Variants in NDFIP2 observed in about 807,000 individuals in gnomAD.
NDFIP2 encodes the protein Nedd4 family interacting protein 2, also known as NEDD4 family-interacting protein 2.
Under a neutral mutation model 36.0 loss-of-function variants are expected in NDFIP2, and 19 were observed. The observed-to-expected ratio is 0.53, with a 90% CI of 0.37 to 0.77. The LOEUF (loss-of-function observed/expected upper bound fraction) is 0.77, where lower values mean the gene tolerates loss of function less well. NDFIP2 is among the 30% of genes least tolerant of loss of function. The probability of loss-of-function intolerance (pLI) is 0.00; values close to 1 mark genes in which losing one functional copy is unlikely to be tolerated. For synonymous variants in NDFIP2, 181 were observed against 167.7 expected (o/e 1.08, Z -0.61); for missense variants, 446 against 435.8 (o/e 1.02, Z -0.21).
intron 2 of NDFIP2, among the ~76,000 whole-genome samples, chr13:79,525,334 A>C (rs894252026): frequency 6.6e-6 from 1 of 152,268 alleles, no homozygotes; most frequent in Non-Finnish European, 1.5e-5. Flanking sequence ...GAGATGTGAC[A>C]GCAGAACTAG....
At chr13:79,513,048 A>G (rs1874138810) in intron 1 of NDFIP2, among the ~76,000 whole-genome samples, 1 of 152,212 alleles carries the variant, frequency 6.6e-6, no homozygotes, top group African/African-American at 2.4e-5. Context: ...AAAATGTGCC[A>G]TGGTCTTTAC....
At chr13:79,493,190 T>C (rs998393286) in intron 1 of NDFIP2, among the ~76,000 whole-genome samples, 4 of 152,196 alleles carry the variant, frequency 2.6e-5, no homozygotes, top group Non-Finnish European at 2.9e-5. Context: ...TAAATACTTA[T>C]TAAAGAAATA....
chr13:79,495,451 C>T (rs550040113), intron 1 of NDFIP2, among the ~76,000 whole-genome samples: 1 of 151,938 alleles, frequency 6.6e-6, no homozygotes. Flanking sequence ...ATTAATAAAG[C>T]CTTCTTATTT....
chr13:79,543,073 C>G (rs1875523733), intron 4 of NDFIP2, among the ~76,000 whole-genome samples: 1 of 152,134 alleles, frequency 6.6e-6, no homozygotes, highest in African/African-American at 2.4e-5. Flanking sequence ...GACAGGGTTT[C>G]ACCATGTTGG....
At chr13:79,502,345 GTAACTC>G (rs533127237) in intron 1 of NDFIP2, among the ~76,000 whole-genome samples, 311 of 152,232 alleles carry the variant, frequency 2.0e-3, no homozygotes, top group African/African-American at 7.1e-3. Context: ...TCTTCTAACA[GTAACTC>G]TAACAATATT....
intron 1 of NDFIP2, among the ~76,000 whole-genome samples, chr13:79,490,707 A>G (rs538803213): frequency 6.6e-6 from 1 of 152,310 alleles, no homozygotes; most frequent in East Asian, 1.9e-4. Flanking sequence ...AATGTACCTC[A>G]TATAGGCCTG....
chr13:79,525,136 A>G (rs1874741399), intron 2 of NDFIP2, among the ~76,000 whole-genome samples: 1 of 152,182 alleles, frequency 6.6e-6, no homozygotes, highest in Non-Finnish European at 1.5e-5. Flanking sequence ...TTTGCAGTAA[A>G]TGGCTCAGTG....
In NDFIP2 at chr13:79,543,687, G is replaced by GT. The variant is rs756854431; in HGVS notation, c.840+6dup. 17 of 1,613,194 alleles carry GT rather than the reference G, an allele frequency of 1.1e-5. No individual in the cohort carries two copies. The highest frequency in any genetic ancestry group is 1.1e-5 in the Non-Finnish European group (13 of 1,179,706). ...AAATGGATCCTTATTGTCAGGGTGAGTGTCTTGATAGCCTGTATCTCTTTT... is the reference window on the plus strand; with the variant it reads ...AAATGGATCCTTATTGTCAGGGTGAGTTGTCTTGATAGCCTGTATCTCTTTT... On this transcript the variant is annotated splice_donor_region_variant and intron_variant, in intron 5 of 7. Transcript: ENST00000218652.
chr13:79,533,390 A>G lies in NDFIP2; in HGVS notation c.555A>G (p.Thr185=), dbSNP rs987647343. 83 of 1,612,208 alleles carry G rather than the reference A, an allele frequency of 5.1e-5. No homozygotes were observed. Among genetic ancestry groups the G allele is most frequent in the Non-Finnish European group, 6.7e-5 (79 of 1,178,898 alleles). ...ATAGCGTTGCTACCTCTCTTCCTAC[A>G]TACGATGAAGCTGAGAAGGCTAAAG... ...PPYSVATSLP[T]YDEAEKAKAA... is the part of the protein sequence containing the mutation. Residue 185 remains threonine, a synonymous_variant, in exon 3 of 8, where the codon ACA becomes ACG. Transcript: ENST00000218652.
chr13:79,490,339 G>A (rs773974989), intron 1 of NDFIP2, among the ~76,000 whole-genome samples: 1 of 152,142 alleles, frequency 6.6e-6, no homozygotes, highest in Non-Finnish European at 1.5e-5. Flanking sequence ...TGATCACAGG[G>A]TATTAAACCC....
intron 1 of NDFIP2, among the ~76,000 whole-genome samples, chr13:79,501,938 C>T (rs1285812617): frequency 1.3e-5 from 2 of 152,058 alleles, no homozygotes; most frequent in Non-Finnish European, 2.9e-5. Context: ...ATTCCTCTTG[C>T]TGAAGTCATA....
At chr13:79,531,451 T>C (rs1204800378) in intron 2 of NDFIP2, among the ~76,000 whole-genome samples, 1 of 152,188 alleles carries the variant, frequency 6.6e-6, no homozygotes, top group East Asian at 1.9e-4. Context: ...GACTCCTCTC[T>C]AGCTATGAAA....
chr13:79,497,812 G>C (rs1594842287), intron 1 of NDFIP2, among the ~76,000 whole-genome samples: 3 of 151,070 alleles, frequency 2.0e-5, no homozygotes, highest in Non-Finnish European at 4.4e-5. Context: ...GTGTGTGTGT[G>C]TGTGTGTGTG....
chr13:79,545,296 T>G (rs545150988), intron 5 of NDFIP2, among the ~76,000 whole-genome samples: 16 of 152,298 alleles, frequency 1.1e-4, no homozygotes, highest in African/African-American at 3.8e-4. Flanking sequence ...GTCCTTAAAG[T>G]ATTACAGCTT....
At chr13:79,485,167 C>G (rs925366527) in intron 1 of NDFIP2, among the ~76,000 whole-genome samples, 1 of 152,118 alleles carries the variant, frequency 6.6e-6, no homozygotes, top group Non-Finnish European at 1.5e-5. Flanking sequence ...GGGTTTGCAT[C>G]ACAGCTGAGG....
chr13:79,511,637 C>G (rs562607815), intron 1 of NDFIP2, among the ~76,000 whole-genome samples: 1 of 152,210 alleles, frequency 6.6e-6, no homozygotes, highest in African/African-American at 2.4e-5. Context: ...TGACAAGCTC[C>G]CATTTCCATG....
chr13:79,528,827 A>G (rs966313945), intron 2 of NDFIP2, among the ~76,000 whole-genome samples: 1 of 152,216 alleles, frequency 6.6e-6, no homozygotes, highest in Non-Finnish European at 1.5e-5. Context: ...CTAGGTTTAT[A>G]TAAGTACACT....
chr13:79,547,407 G>A (rs1566669058), intron 5 of NDFIP2, among the ~76,000 whole-genome samples: 1 of 152,142 alleles, frequency 6.6e-6, no homozygotes, highest in Non-Finnish European at 1.5e-5. Context: ...CAGACCAGTG[G>A]AAACAGGGTG....
chr13:79,526,760 AAGATTATACCT>A (rs1196252166), intron 2 of NDFIP2, among the ~76,000 whole-genome samples: 1 of 152,220 alleles, frequency 6.6e-6, no homozygotes, highest in Non-Finnish European at 1.5e-5. Flanking sequence ...AGAATTTAAA[AAGATTATACCT>A]AGCACTTACT....
Sources: gnomAD v4.1 joint callset for allele counts (sites outside exome capture counted in the v4.1 genomes callset) on GRCh38, gnomAD v4.1.1 for gene constraint, MANE v1.5 for transcripts, NCBI Gene and HGNC (gene_info 2026-07-23, HGNC 2026-07-21) for gene names.